Variants in TENM2 observed in about 807,000 individuals in gnomAD.
TENM2 encodes the protein teneurin-2.
TENM2 carries 52 observed loss-of-function variants against 245.2 expected under a neutral mutation model. That is an observed-to-expected ratio of 0.21 (90% confidence interval 0.17 to 0.27). The LOEUF is 0.27. TENM2 is among the 10% of genes least tolerant of loss of function. The probability of loss-of-function intolerance (pLI) is 1.00; values close to 1 mark genes in which losing one functional copy is unlikely to be tolerated. For synonymous variants in TENM2, 1,363 were observed against 1,438.9 expected, an observed-to-expected ratio of 0.95 and a Z score of 1.19; for missense variants, 3,046 against 3,666.8, an observed-to-expected ratio of 0.83 and a Z score of 4.37.
chr5:167,993,088 G>C (rs747399401), exon 5 of TENM2: 1 of 1,614,034 alleles, frequency 6.2e-7, no homozygotes, highest in South Asian at 1.1e-5. Context: ...CTTTCAAGCT[G>C]AAGAAGCCCT....
At chr5:167,324,407 G>A (rs767714480) in intron 1 of TENM2, among the ~76,000 whole-genome samples, 2 of 152,064 alleles carry the variant, frequency 1.3e-5, no homozygotes, top group African/African-American at 2.4e-5. Flanking sequence ...TGCCAAGTAG[G>A]TCTCCTTTCA....
At chr5:167,279,504 CCTTCCTTCCT>C in the TENM2 span, among the ~76,000 whole-genome samples, 1 of 134,334 alleles carries the variant, frequency 7.4e-6, no homozygotes, top group African/African-American at 2.9e-5. Flanking sequence ...CTCTTTCTTT[CCTTCCTTCCT>C]TTCCTTCCTT....
rs558716782 is a variant in TENM2 at position 167,492,867 on chromosome 5, AC to A, written c.502+117397del. Among the ~76,000 whole-genome samples, 49 of 152,174 alleles carry A rather than the reference AC, an allele frequency of 3.2e-4. 1 individual carries two copies. The South Asian group carries it at 9.9e-3, about 31-fold the overall frequency. The stretch of plus-strand genomic sequence containing the variant: ...GATTGATTATAAAAAGGAATGGCTC[AC>A]CCTGAAATTCAGAACCAGTCTACAA... On this transcript the variant is annotated intron_variant, in intron 2 of 28. Coordinates refer to ENST00000518659, the Ensembl canonical transcript of TENM2.
chr5:167,475,664 A>G (rs1488022112), intron 2 of TENM2, among the ~76,000 whole-genome samples: 1 of 151,844 alleles, frequency 6.6e-6, no homozygotes, highest in African/African-American at 2.4e-5. Context: ...CTGCCCCACA[A>G]CTGGCCCCAG....
intron 5 of TENM2, among the ~76,000 whole-genome samples, chr5:168,034,977 T>C (rs1352887529): frequency 1.3e-5 from 2 of 152,186 alleles, no homozygotes; most frequent in Non-Finnish European, 2.9e-5. Flanking sequence ...ATTTTTATTG[T>C]TTTTGCAAGA....
At chr5:167,176,254 C>T in the TENM2 span, among the ~76,000 whole-genome samples, 1 of 152,186 alleles carries the variant, frequency 6.6e-6, no homozygotes, top group Non-Finnish European at 1.5e-5. Context: ...TTGTGTGTGT[C>T]CGAAACTTTT....
chr5:167,455,867 T>C (rs1765890960), intron 2 of TENM2, among the ~76,000 whole-genome samples: 1 of 152,194 alleles, frequency 6.6e-6, no homozygotes, highest in African/African-American at 2.4e-5. Context: ...CAGACATTTA[T>C]TACAAATCAA....
chr5:167,831,475 G>A (rs1220692726), intron 2 of TENM2, among the ~76,000 whole-genome samples: 6 of 136,084 alleles, frequency 4.4e-5, no homozygotes, highest in Non-Finnish European at 7.7e-5. Context: ...AGCTGCAAAA[G>A]AGTTCAGCAC....
chr5:167,250,522 T>C, the TENM2 span, among the ~76,000 whole-genome samples: 1 of 152,266 alleles, frequency 6.6e-6, no homozygotes, highest in African/African-American at 2.4e-5. Context: ...ATGTGACTTA[T>C]GTTATATTTG....
At chr5:167,904,181 C>A (rs568831392) in intron 3 of TENM2, among the ~76,000 whole-genome samples, 1 of 152,274 alleles carries the variant, frequency 6.6e-6, no homozygotes, top group South Asian at 2.1e-4. Flanking sequence ...AAATTAGATA[C>A]TTTGTCTTAG....
chr5:168,015,846 A>G (rs1354725467), intron 5 of TENM2, among the ~76,000 whole-genome samples: 1 of 152,218 alleles, frequency 6.6e-6, no homozygotes, highest in African/African-American at 2.4e-5. Flanking sequence ...TGATGCTTCA[A>G]GTTGAGGGCT....
chr5:167,405,794 ACACACG>A (rs1561929216), intron 2 of TENM2, among the ~76,000 whole-genome samples: 1 of 151,608 alleles, frequency 6.6e-6, no homozygotes, highest in East Asian at 1.9e-4. Context: ...ACACACACAC[ACACACG>A]CACACAGAGA....
At chr5:167,903,029 G>A (rs567529392) in intron 3 of TENM2, among the ~76,000 whole-genome samples, 4 of 152,100 alleles carry the variant, frequency 2.6e-5, no homozygotes, top group Admixed American at 6.5e-5. Flanking sequence ...TAATTAGCTT[G>A]ACTCAATCAT....
At chr5:167,452,025 A>G (rs1168202920) in intron 2 of TENM2, among the ~76,000 whole-genome samples, 1 of 152,322 alleles carries the variant, frequency 6.6e-6, no homozygotes, top group South Asian at 2.1e-4. Context: ...GGAGTTTTCT[A>G]TAACTTAAAA....
At chr5:167,385,263 T>A (rs1470137276) in intron 2 of TENM2, among the ~76,000 whole-genome samples, 1 of 152,146 alleles carries the variant, frequency 6.6e-6, no homozygotes, top group African/African-American at 2.4e-5. Context: ...AGTCATATTC[T>A]CATGCAATTT....
chr5:167,118,615 G>A, the TENM2 span, among the ~76,000 whole-genome samples: 19,672 of 152,182 alleles, frequency 0.13, 1,690 homozygotes, highest in Non-Finnish European at 0.19. Context: ...TTTTGGCTTC[G>A]TAGTGTTGCA....
intron 2 of TENM2, among the ~76,000 whole-genome samples, chr5:167,733,711 C>G (rs1198557888): frequency 6.6e-6 from 1 of 152,126 alleles, no homozygotes; most frequent in Non-Finnish European, 1.5e-5. Context: ...CGGAAGGGCC[C>G]CTTAGGTTCT....
In TENM2 at chr5:167,356,427, G is replaced by A. The variant is rs77650327; in HGVS notation, c.227-18771G>A. On this transcript the variant is annotated intron_variant, in intron 1 of 28. Coordinates refer to ENST00000518659, the Ensembl canonical transcript of TENM2. Reference sequence around the variant, plus strand: ...AAAACTCTTTGATAAACCTCCTCTCGGAATGCTAAATAGTAGAAGATAGCA... The same window carrying A: ...AAAACTCTTTGATAAACCTCCTCTCAGAATGCTAAATAGTAGAAGATAGCA... 2.3e-3 allele frequency among the ~76,000 whole-genome samples: 353 copies of A among 152,038 alleles called. 1 individual carries two copies. Among genetic ancestry groups the A allele is most frequent in the African/African-American group, 7.9e-3 (327 of 41,452 alleles).
the TENM2 span, among the ~76,000 whole-genome samples, chr5:167,054,652 T>C: frequency 6.6e-6 from 1 of 152,166 alleles, no homozygotes; most frequent in African/African-American, 2.4e-5. Context: ...CCACCAGCAA[T>C]GAATTAAGAT....
Sources: allele counts gnomAD v4.1 joint callset (sites outside exome capture counted in the v4.1 genomes callset), GRCh38; gene constraint gnomAD v4.1.1; transcripts MANE v1.5; gene names NCBI Gene and HGNC (gene_info 2026-07-23, HGNC 2026-07-21).